BMP6: variants seen among roughly 807,000 people sequenced by gnomAD.
The protein encoded by BMP6 is VG-1-R.
In BMP6, 17 loss-of-function variants were observed where a neutral mutation model predicts 54.1. That is an observed-to-expected ratio of 0.31 (90% CI 0.22 to 0.47). The LOEUF (loss-of-function observed/expected upper bound fraction) is 0.47, where lower values mean the gene tolerates loss of function less well. Ranked by LOEUF, BMP6 falls within the 20% of genes least tolerant of loss-of-function variation. BMP6 has a pLI of 1.00. For synonymous variants in BMP6, 328 were observed against 291.2 expected (o/e 1.13, Z -1.28); for missense variants, 720 against 690.4 (o/e 1.04, Z -0.48).
At chr6:7,774,102 A>G (rs270385) in intron 1 of BMP6, among the ~76,000 whole-genome samples, 108,113 of 152,062 alleles carry the variant, frequency 0.71, 40,316 homozygotes, top group Non-Finnish European at 0.84. Context: ...GGACTTCACG[A>G]AACGGGTCTT....
intron 1 of BMP6, among the ~76,000 whole-genome samples, chr6:7,839,590 C>G (rs1021356800): frequency 1.3e-4 from 20 of 152,230 alleles, no homozygotes; most frequent in Non-Finnish European, 2.9e-4. Flanking sequence ...TGGCACATTT[C>G]ACTTCACACA....
chr6:7,726,547 T>C lies in BMP6; in HGVS notation c.-409T>C, dbSNP rs1270419419. Among the ~76,000 whole-genome samples the C allele has an allele frequency of 1.3e-5, 2 of 152,010 alleles. No individual in the cohort carries two copies. The highest frequency in any genetic ancestry group is 2.9e-5 in the Non-Finnish European group (2 of 67,992). ...CGCTCCCCGCTGCCCCGGGTCCCAC[T>C]CAGTCGCCAGGGAGAGCGCGGGGCA... On this transcript the variant is annotated 5_prime_UTR_variant, in exon 1 of 7. Coordinates refer to ENST00000283147, the MANE Select transcript of BMP6 (RefSeq NM_001718.6).
At chr6:7,774,401 C>T (rs150978978) in intron 1 of BMP6, among the ~76,000 whole-genome samples, 4 of 152,292 alleles carry the variant, frequency 2.6e-5, no homozygotes, top group Admixed American at 6.5e-5. Context: ...ACTACAAAAA[C>T]TAGCTGGGCA....
At chr6:7,802,977 T>C (rs950656728) in intron 1 of BMP6, among the ~76,000 whole-genome samples, 3 of 152,214 alleles carry the variant, frequency 2.0e-5, no homozygotes, top group Non-Finnish European at 4.4e-5. Flanking sequence ...AAGAGAGATA[T>C]GGTTGCTATA....
In BMP6 at chr6:7,880,168, C is replaced by T. The variant is rs758597121; in HGVS notation, c.1393-26C>T. 5 of 1,613,962 alleles carry T rather than the reference C, an allele frequency of 3.1e-6. No individual in the cohort carries two copies. In the South Asian group the frequency reaches 3.3e-5, roughly 11 times the overall value. On this transcript the variant is annotated intron_variant, in intron 6 of 6. Coordinates refer to ENST00000283147, the MANE Select transcript of BMP6 (RefSeq NM_001718.6). ...AAGACCAGGTGTCATTTCTAAGGTA[C>T]CTTCTCCCCTTCTGTTTTGGAACAG... is the stretch of plus-strand genomic sequence containing the variant.
At chr6:7,847,673 G>A (rs1759087013) in intron 2 of BMP6, among the ~76,000 whole-genome samples, 1 of 152,160 alleles carries the variant, frequency 6.6e-6, no homozygotes, top group Non-Finnish European at 1.5e-5. Context: ...CTCAGCTGGG[G>A]TGGCAGAAGT....
chr6:7,872,840 T>C (rs116428813), intron 4 of BMP6, among the ~76,000 whole-genome samples: 2,929 of 136,268 alleles, frequency 0.021, 102 homozygotes, highest in African/African-American at 0.077. Context: ...TGAGACAGGG[T>C]CTTGCTTTCT....
chr6:7,790,042 G>T (rs1462301830), intron 1 of BMP6, among the ~76,000 whole-genome samples: 3 of 152,152 alleles, frequency 2.0e-5, no homozygotes, highest in African/African-American at 7.2e-5. Flanking sequence ...CCTTCTCAGG[G>T]TTGCCAGTGC....
At chr6:7,732,554 C>T (rs1761883594) in intron 1 of BMP6, among the ~76,000 whole-genome samples, 2 of 152,208 alleles carry the variant, frequency 1.3e-5, no homozygotes, top group South Asian at 4.1e-4. Flanking sequence ...AAAAACAATG[C>T]TCAGTGCTTG....
chr6:7,734,537 T>G (rs1381619838), intron 1 of BMP6, among the ~76,000 whole-genome samples: 1 of 152,194 alleles, frequency 6.6e-6, no homozygotes, highest in Non-Finnish European at 1.5e-5. Context: ...TCTGGAATTG[T>G]TGGGGTTTTC....
intron 1 of BMP6, among the ~76,000 whole-genome samples, chr6:7,732,761 C>T (rs1040315992): frequency 1.3e-5 from 2 of 152,160 alleles, no homozygotes; most frequent in East Asian, 1.9e-4. Context: ...CTCCTATTTA[C>T]GAAGGTGAGT....
At chr6:7,840,087 C>T (rs919146542) in intron 1 of BMP6, among the ~76,000 whole-genome samples, 5 of 152,224 alleles carry the variant, frequency 3.3e-5, no homozygotes, top group African/African-American at 1.2e-4. Context: ...GCCATTCACC[C>T]GCTGACAGGC....
intron 1 of BMP6, among the ~76,000 whole-genome samples, chr6:7,810,815 T>C (rs2113210411): frequency 6.6e-6 from 1 of 152,332 alleles, no homozygotes; most frequent in South Asian, 2.1e-4. Flanking sequence ...TTATCTTGCT[T>C]CTCTGCTACC....
intron 1 of BMP6, among the ~76,000 whole-genome samples, chr6:7,733,626 C>T (rs1761908649): frequency 6.6e-6 from 1 of 152,192 alleles, no homozygotes; most frequent in South Asian, 2.1e-4. Context: ...TCTTGTGTTC[C>T]CCGCAAGGAA....
chr6:7,836,054 C>G (rs950091152), intron 1 of BMP6, among the ~76,000 whole-genome samples: 1 of 152,110 alleles, frequency 6.6e-6, no homozygotes, highest in East Asian at 1.9e-4. Flanking sequence ...TTGGCCAGGC[C>G]GGTCTCAAAC....
intron 5 of BMP6, among the ~76,000 whole-genome samples, chr6:7,879,571 T>G (rs745430): frequency 1.3e-5 from 2 of 152,094 alleles, no homozygotes; most frequent in African/African-American, 4.8e-5. Flanking sequence ...GAGCACACGT[T>G]TGCCTCGTAC....
chr6:7,729,489 G>C (rs1271546574), intron 1 of BMP6, among the ~76,000 whole-genome samples: 1 of 152,180 alleles, frequency 6.6e-6, no homozygotes, highest in Non-Finnish European at 1.5e-5. Flanking sequence ...GGCTTGAACC[G>C]AGGTTCTCAG....
intron 1 of BMP6, among the ~76,000 whole-genome samples, chr6:7,814,048 A>AGAAGCT (rs1758487100): frequency 6.6e-6 from 1 of 152,170 alleles, no homozygotes; most frequent in African/African-American, 2.4e-5. Flanking sequence ...CTCAGATCCT[A>AGAAGCT]GAAGCTGCCT....
At chr6:7,813,930 G>A (rs561918220) in intron 1 of BMP6, among the ~76,000 whole-genome samples, 2 of 152,222 alleles carry the variant, frequency 1.3e-5, no homozygotes, top group South Asian at 2.1e-4. Context: ...GCCAGCTTGG[G>A]GACATCCAGG....
Sources: gnomAD v4.1 joint callset for allele counts (sites outside exome capture counted in the v4.1 genomes callset) on GRCh38, gnomAD v4.1.1 for gene constraint, MANE v1.5 for transcripts, NCBI Gene and HGNC (gene_info 2026-07-23, HGNC 2026-07-21) for gene names.